Variants in RANBP2 observed in about 807,000 individuals in gnomAD.
RANBP2 encodes the protein E3 SUMO-protein ligase RanBP2.
RANBP2 carries 57 observed loss-of-function variants against 303.6 expected under a neutral mutation model. The observed-to-expected ratio is 0.19, with a 90% CI of 0.15 to 0.23. The LOEUF is 0.23. Among genes scored for constraint, RANBP2 ranks in the 10% least tolerant of loss-of-function variants. RANBP2 has a pLI of 1.00. For synonymous variants in RANBP2, 1,167 were observed against 1,301.5 expected (o/e 0.90, Z 2.23); for missense variants, 3,138 against 3,780.8 (o/e 0.83, Z 4.46).
the RANBP2 span, among the ~76,000 whole-genome samples, chr2:108,869,943 A>AGATG: frequency 6.6e-6 from 1 of 152,232 alleles, no homozygotes; most frequent in East Asian, 1.9e-4. Flanking sequence ...ATAAATCTTC[A>AGATG]GAAACTATCC....
At chr2:109,553,853 CAAA>C in the RANBP2 span, among the ~76,000 whole-genome samples, 18 of 105,462 alleles carry the variant, frequency 1.7e-4, no homozygotes, top group African/African-American at 7.1e-5. Flanking sequence ...GACTCTGTCT[CAAA>C]AAAAAAAAAA....
chr2:109,296,310 C>T, the RANBP2 span, among the ~76,000 whole-genome samples: 1 of 152,060 alleles, frequency 6.6e-6, no homozygotes, highest in African/African-American at 2.4e-5. Context: ...TCACTGCAAC[C>T]CCTGCCTCCC....
the RANBP2 span, among the ~76,000 whole-genome samples, chr2:109,670,955 C>G: frequency 6.6e-6 from 1 of 152,204 alleles, no homozygotes; most frequent in African/African-American, 2.4e-5. Context: ...ATGGTGTCTC[C>G]AATCCCCACC....
At chr2:109,268,156 T>C in the RANBP2 span, among the ~76,000 whole-genome samples, 2 of 151,818 alleles carry the variant, frequency 1.3e-5, no homozygotes, top group African/African-American at 4.8e-5. Context: ...CTTTTGCTGA[T>C]GTTTGTGATG....
the RANBP2 span, among the ~76,000 whole-genome samples, chr2:108,937,466 T>C: frequency 6.6e-6 from 1 of 152,088 alleles, no homozygotes; most frequent in Admixed American, 6.5e-5. Flanking sequence ...TGCATGTGTA[T>C]ATGTGAGTGT....
the RANBP2 span, among the ~76,000 whole-genome samples, chr2:108,817,281 A>G: frequency 6.6e-6 from 1 of 151,626 alleles, no homozygotes; most frequent in Admixed American, 6.6e-5. Context: ...GAGACATGGA[A>G]TTCAGATAAT....
chr2:109,145,624 G>A, the RANBP2 span, among the ~76,000 whole-genome samples: 1 of 152,200 alleles, frequency 6.6e-6, no homozygotes, highest in Non-Finnish European at 1.5e-5. Flanking sequence ...CTATCGCCAT[G>A]CGTTTCTAGA....
the RANBP2 span, among the ~76,000 whole-genome samples, chr2:109,621,689 G>A: frequency 2.6e-5 from 4 of 151,950 alleles, no homozygotes; most frequent in Admixed American, 1.3e-4. Context: ...CAAGGCAGGT[G>A]AATCACGAGG....
At chr2:109,102,435 A>G in the RANBP2 span, among the ~76,000 whole-genome samples, 2 of 152,028 alleles carry the variant, frequency 1.3e-5, no homozygotes, top group African/African-American at 4.8e-5. Context: ...CCGCTTCAAA[A>G]AAAAAAAAAT....
chr2:109,361,038 G>A, the RANBP2 span, among the ~76,000 whole-genome samples: 1 of 152,116 alleles, frequency 6.6e-6, no homozygotes, highest in Non-Finnish European at 1.5e-5. Flanking sequence ...TCATGAATGG[G>A]TATTGGATTT....
the RANBP2 span, among the ~76,000 whole-genome samples, chr2:109,198,960 T>C: frequency 3.9e-5 from 6 of 152,184 alleles, no homozygotes; most frequent in African/African-American, 1.4e-4. Flanking sequence ...GACCCCATGG[T>C]ATATGCAGTC....
the RANBP2 span, among the ~76,000 whole-genome samples, chr2:109,536,380 T>C: frequency 6.6e-6 from 1 of 152,136 alleles, no homozygotes; most frequent in Non-Finnish European, 1.5e-5. Flanking sequence ...AAGGAGATCG[T>C]TTTGGAGCTT....
the RANBP2 span, among the ~76,000 whole-genome samples, chr2:109,495,587 T>C: frequency 0.26 from 38,543 of 146,332 alleles, 5,313 homozygotes; most frequent in East Asian, 0.52. Context: ...CTCCCAGATT[T>C]AAGCAATTCT....
chr2:109,178,673 C>T, the RANBP2 span, among the ~76,000 whole-genome samples: 1 of 152,190 alleles, frequency 6.6e-6, no homozygotes, highest in African/African-American at 2.4e-5. Flanking sequence ...CCTGTCCTCC[C>T]AGGAATTCAC....
the RANBP2 span, among the ~76,000 whole-genome samples, chr2:109,622,027 G>A: frequency 6.6e-6 from 1 of 152,196 alleles, no homozygotes; most frequent in African/African-American, 2.4e-5. Flanking sequence ...GAATCACCTA[G>A]GTGCTGACAT....
chr2:109,567,625 A>G, the RANBP2 span, among the ~76,000 whole-genome samples: 4 of 152,366 alleles, frequency 2.6e-5, no homozygotes, highest in East Asian at 1.9e-4. Context: ...ATGCTTAAAA[A>G]TAAATTCTCC....
chr2:109,331,486 G>A, the RANBP2 span, among the ~76,000 whole-genome samples: 3 of 151,994 alleles, frequency 2.0e-5, no homozygotes, highest in East Asian at 3.9e-4. Flanking sequence ...CAGGGCTCCC[G>A]CGTCTACTCC....
chr2:109,610,200 T>C, the RANBP2 span, among the ~76,000 whole-genome samples: 1 of 151,944 alleles, frequency 6.6e-6, no homozygotes, highest in Admixed American at 6.6e-5. Context: ...GTGATCCTCC[T>C]GCCTCAGCCT....
the RANBP2 span, among the ~76,000 whole-genome samples, chr2:109,357,772 T>C: frequency 6.6e-6 from 1 of 152,222 alleles, no homozygotes; most frequent in Non-Finnish European, 1.5e-5. Context: ...GTTATATTTT[T>C]AGAGCCGTTG....
Sources: allele counts gnomAD v4.1 joint callset (sites outside exome capture counted in the v4.1 genomes callset), GRCh38; gene constraint gnomAD v4.1.1; transcripts MANE v1.5; gene names NCBI Gene and HGNC (gene_info 2026-07-23, HGNC 2026-07-21).